The following RSRC1 variants were observed in gnomAD, a reference collection of about 807,000 sequenced individuals.
The protein encoded by RSRC1 is serine/Arginine-related protein 53.
Under a neutral mutation model 49.1 loss-of-function variants are expected in RSRC1, and 39 were observed. The ratio of observed to expected loss-of-function variants is 0.79; its 90% CI spans 0.61 to 1.04. RSRC1 has a LOEUF of 1.04. RSRC1 is among the 50% of genes least tolerant of loss of function. RSRC1 has a pLI of 0.00. For missense variants in RSRC1, 388 were observed against 402.4 expected (o/e 0.96, Z 0.31); for synonymous variants, 143 against 130.8 (o/e 1.09, Z -0.63).
At chr3:158,132,102 A>G (rs889440615) in intron 3 of RSRC1, 7 of 440,908 alleles carry the variant, frequency 1.6e-5, no homozygotes, top group Admixed American at 2.4e-5. Context: ...TCCTACCTCA[A>G]CCTCCTGGGT....
intron 6 of RSRC1, among the ~76,000 whole-genome samples, chr3:158,393,121 A>G (rs1733410931): frequency 6.6e-6 from 1 of 152,136 alleles, no homozygotes. Context: ...GAAACTAATG[A>G]AAACAAAAGT....
intron 5 of RSRC1, among the ~76,000 whole-genome samples, chr3:158,316,508 G>T (rs933558634): frequency 7.4e-6 from 1 of 134,928 alleles, no homozygotes; most frequent in Non-Finnish European, 1.5e-5. Context: ...GCAGTGGCGC[G>T]ATCTCGGCTC....
intron 7 of RSRC1, among the ~76,000 whole-genome samples, chr3:158,465,346 A>C (rs536513199): frequency 6.6e-6 from 1 of 152,262 alleles, no homozygotes; most frequent in Admixed American, 6.5e-5. Context: ...AGTTTCTAGC[A>C]TAAAACACAC....
At chr3:158,158,984 G>A (rs1369688434) in intron 3 of RSRC1, among the ~76,000 whole-genome samples, 1 of 150,506 alleles carries the variant, frequency 6.6e-6, no homozygotes, top group Non-Finnish European at 1.5e-5. Flanking sequence ...ACAAAAAATA[G>A]CCTCAAAAGC....
At chr3:158,321,315 C>A (rs915106201) in intron 5 of RSRC1, among the ~76,000 whole-genome samples, 1 of 149,192 alleles carries the variant, frequency 6.7e-6, no homozygotes, top group Non-Finnish European at 1.5e-5. Context: ...CCTCTTCTTC[C>A]TCTTCTTCTT....
intron 1 of RSRC1, among the ~76,000 whole-genome samples, chr3:158,113,219 C>T (rs1246719845): frequency 1.3e-5 from 2 of 152,180 alleles, no homozygotes; most frequent in Non-Finnish European, 2.9e-5. Flanking sequence ...GGAATCACCA[C>T]ACTGCTGATT....
chr3:158,111,721 G>A (rs1714421972), intron 1 of RSRC1, among the ~76,000 whole-genome samples: 1 of 152,152 alleles, frequency 6.6e-6, no homozygotes. Context: ...CTGGCCATGT[G>A]TCCAGAATCA....
intron 5 of RSRC1, chr3:158,336,392 G>C (rs564869651): frequency 6.6e-6 from 1 of 152,576 alleles, no homozygotes; most frequent in South Asian, 2.1e-4. Flanking sequence ...TAGGGCAATT[G>C]AATAGCTGGG....
intron 6 of RSRC1, among the ~76,000 whole-genome samples, chr3:158,452,215 A>G (rs981021810): frequency 5.9e-5 from 9 of 152,190 alleles, no homozygotes; most frequent in African/African-American, 2.2e-4. Flanking sequence ...TGTATTGGTC[A>G]TTCTGACCAT....
chr3:158,516,096 C>A (rs1482275453), intron 7 of RSRC1, among the ~76,000 whole-genome samples: 1 of 152,240 alleles, frequency 6.6e-6, no homozygotes, highest in African/African-American at 2.4e-5. Context: ...CTTCTCTCAG[C>A]TCGTCAAAGT....
At chr3:158,240,736 G>T (rs2107991749) in intron 4 of RSRC1, among the ~76,000 whole-genome samples, 1 of 152,200 alleles carries the variant, frequency 6.6e-6, no homozygotes, top group Middle Eastern at 3.4e-3. Context: ...AATTTTAAGT[G>T]GCATGCTGTT....
chr3:158,135,627 A>T (rs1005580465), intron 3 of RSRC1, among the ~76,000 whole-genome samples: 1 of 151,682 alleles, frequency 6.6e-6, no homozygotes, highest in Admixed American at 6.6e-5. Context: ...TTTCCCTCCA[A>T]TTTTTTTCTT....
intron 3 of RSRC1, among the ~76,000 whole-genome samples, chr3:158,193,657 T>C (rs1418742823): frequency 3.9e-5 from 6 of 152,116 alleles, no homozygotes; most frequent in Non-Finnish European, 5.9e-5. Flanking sequence ...ATCAGAAAAC[T>C]TTAGAATTTA....
chr3:158,182,717 T>C (rs1046288693), intron 3 of RSRC1, among the ~76,000 whole-genome samples: 1 of 152,328 alleles, frequency 6.6e-6, no homozygotes, highest in South Asian at 2.1e-4. Flanking sequence ...AAAGAATGGT[T>C]CAAATAAAAT....
chr3:158,484,005 C>A (rs528267660), intron 7 of RSRC1, among the ~76,000 whole-genome samples: 2 of 152,124 alleles, frequency 1.3e-5, no homozygotes, highest in Non-Finnish European at 2.9e-5. Flanking sequence ...CGCTAAGCTT[C>A]GCTTCCCAAT....
chr3:158,526,022 G>A (rs1388997372), intron 7 of RSRC1, among the ~76,000 whole-genome samples: 1 of 151,964 alleles, frequency 6.6e-6, no homozygotes, highest in African/African-American at 2.4e-5. Context: ...GATAGGCACA[G>A]TTATAGATAA....
At chr3:158,444,089 A>G (rs956755618) in intron 6 of RSRC1, among the ~76,000 whole-genome samples, 1 of 152,178 alleles carries the variant, frequency 6.6e-6, no homozygotes, top group Non-Finnish European at 1.5e-5. Context: ...CAGATGTAAT[A>G]ATAGCTAAAA....
At position 158,133,219 on chromosome 3, in the gene RSRC1, T is replaced by C. The variant is rs182633659; in HGVS notation, c.320+9228T>C. ...TCACTTTAATGAAAACATTTTAATA[T>C]CTAATTATGAAAATTATAGAAATGA... On this transcript the variant is annotated intron_variant, in intron 3 of 9. Coordinates refer to ENST00000611884, the MANE Select transcript of RSRC1 (RefSeq NM_001271838.2). Among the ~76,000 whole-genome samples, 11 of 152,324 alleles carry C rather than the reference T, an allele frequency of 7.2e-5. No homozygotes were observed. In the East Asian group the frequency reaches 1.3e-3, roughly 19 times the overall value.
intron 6 of RSRC1, among the ~76,000 whole-genome samples, chr3:158,436,591 A>G (rs1312824902): frequency 6.6e-6 from 1 of 151,926 alleles, no homozygotes; most frequent in Non-Finnish European, 1.5e-5. Context: ...TATTTCCCTA[A>G]ATGAAATTTT....
Sources: allele counts gnomAD v4.1 joint callset (sites outside exome capture counted in the v4.1 genomes callset), GRCh38; gene constraint gnomAD v4.1.1; transcripts MANE v1.5; gene names NCBI Gene and HGNC (gene_info 2026-07-23, HGNC 2026-07-21).